The following ABCC6 variants were observed in gnomAD, a reference collection of about 807,000 sequenced individuals.
ABCC6 encodes ATP-binding cassette sub-family C member 6.
ABCC6 carries 126 observed loss-of-function variants against 169.5 expected under a neutral mutation model. That is an observed-to-expected ratio of 0.74 (90% CI 0.64 to 0.86). The LOEUF is 0.86. ABCC6 is among the 40% of genes least tolerant of loss of function. The probability of loss-of-function intolerance (pLI) is 0.00; values close to 1 mark genes in which losing one functional copy is unlikely to be tolerated. For synonymous variants in ABCC6, 752 were observed against 814.7 expected (o/e 0.92, Z 1.31); for missense variants, 1,733 against 1,927.2 (o/e 0.90, Z 1.89).
At chr16:16,153,557 A>G (rs761570530) in intron 29 of ABCC6, among the ~76,000 whole-genome samples, 4 of 152,034 alleles carry the variant, frequency 2.6e-5, no homozygotes, top group Admixed American at 6.6e-5. Context: ...TTAGGGTTTC[A>G]TGGGTACAGA....
chr16:16,169,848 CT>C lies in ABCC6; in HGVS notation c.2792del (p.Lys931ArgfsTer38). On this transcript the variant is annotated frameshift_variant, in exon 22 of 31. Coordinates refer to ENST00000205557, the MANE Select transcript of ABCC6 (RefSeq NM_001171.6). LOFTEE classifies it high-confidence loss of function. The part of the protein sequence containing the change: ...GKDSIQYGRV[K>X]ATVHLAYLRA... ...GCAGGTAGGCCAGGTGCACTGTGGCCTTCACCTGTAGCACACATGAGGGAGA... is the reference window on the plus strand; with the variant it reads ...GCAGGTAGGCCAGGTGCACTGTGGCCTCACCTGTAGCACACATGAGGGAGA... The C allele has an allele frequency of 6.4e-7, 1 of 1,553,052 alleles. No homozygotes were observed.
chr16:16,182,199 C>T (rs1481048434), intron 17 of ABCC6, among the ~76,000 whole-genome samples: 2 of 152,210 alleles, frequency 1.3e-5, no homozygotes, highest in Non-Finnish European at 2.9e-5. Flanking sequence ...CCACAACTCC[C>T]TGCCTCTCTC....
intron 20 of ABCC6, among the ~76,000 whole-genome samples, chr16:16,174,706 G>A (rs1249240379): frequency 4.2e-5 from 6 of 142,890 alleles, no homozygotes; most frequent in South Asian, 5.0e-4. Flanking sequence ...GCAGTGAGCC[G>A]AGATTGTGCC....
At chr16:16,203,284 C>T in intron 8 of ABCC6, 126 bp downstream of exon 8, 7 of 1,511,288 alleles carry the variant, frequency 4.6e-6, no homozygotes, top group Non-Finnish European at 6.3e-6. Flanking sequence ...TCCTTCTCAC[C>T]CACCATCCAG....
rs1352055601 is a variant in ABCC6 at position 16,169,664 on chromosome 16, G to A, written c.2977C>T (p.Leu993Phe). 1.1e-5 allele frequency: 17 copies of A among 1,610,960 alleles called. No homozygotes were observed. Among genetic ancestry groups the A allele is most frequent in the East Asian group, 6.7e-5 (3 of 44,866 alleles). ...GGCGTACCTTGGAGACAGCCGAGGA[G>A]CCCGAAGATCCCGCCACGCAGGGCT... ...QAALRGGIFG[L>F]LGCLQAIGLF... Residue 993 changes from leucine to phenylalanine, a missense_variant, in exon 22 of 31, where the codon CTC becomes TTC. Physicochemically the swap from Leu to Phe is conservative, Grantham distance 22 (BLOSUM62 0). Around this residue, in one of 5 missense-constraint regions of ABCC6, gnomAD observed 1,601 missense variants for 1,635.5 expected, o/e 0.98. Coordinates refer to ENST00000205557, the MANE Select transcript of ABCC6 (RefSeq NM_001171.6).
chr16:16,185,482 G>A (rs1440323228), intron 14 of ABCC6, among the ~76,000 whole-genome samples: 3 of 152,106 alleles, frequency 2.0e-5, no homozygotes, highest in African/African-American at 7.2e-5. Context: ...AGAGTGAAGG[G>A]GGTGTTATTA....
chr16:16,208,947 A>C lies in ABCC6; in HGVS notation c.663-88T>G. The C allele has an allele frequency of 2.5e-6, 4 of 1,610,118 alleles. No homozygotes were observed. The South Asian group carries it at 4.4e-5, about 18-fold the overall frequency. On this transcript the variant is annotated intron_variant, in intron 6 of 30. Coordinates refer to ENST00000205557, the MANE Select transcript of ABCC6 (RefSeq NM_001171.6). ...GGCGAGTAGCTGTGTGACCCTGGGT[A>C]AGTCACTTTACCTCTCTGTACCTCT...
At chr16:16,182,781 A>G (rs2047519121) in intron 16 of ABCC6, 23 bp downstream of exon 16, 5 of 1,613,796 alleles carry the variant, frequency 3.1e-6, no homozygotes, top group Non-Finnish European at 4.2e-6. Flanking sequence ...ACATCCTAGC[A>G]GACAGGCTGG....
At chr16:16,203,681 G>C in intron 7 of ABCC6, 68 bp from the exon 8 acceptor site, 1 of 1,572,380 alleles carries the variant, frequency 6.4e-7, no homozygotes, top group Non-Finnish European at 8.7e-7. Flanking sequence ...GCAGGGCCAG[G>C]CATTAAAGGG....
At chr16:16,194,384 G>A (rs1388167500) in intron 10 of ABCC6, among the ~76,000 whole-genome samples, 1 of 152,244 alleles carries the variant, frequency 6.6e-6, no homozygotes, top group Non-Finnish European at 1.5e-5. Context: ...GACATACACT[G>A]AGAAATTCTT....
chr16:16,154,501 A>C, intron 29 of ABCC6, 127 bp downstream of exon 29: 2 of 1,202,862 alleles, frequency 1.7e-6, no homozygotes, highest in Non-Finnish European at 1.2e-6. Flanking sequence ...GATAAGAGAC[A>C]TGTGGTTATT....
At chr16:16,177,401 C>A (rs751339808) in intron 19 of ABCC6, 51 bp downstream of exon 19, 12 of 1,610,586 alleles carry the variant, frequency 7.5e-6, no homozygotes, top group African/African-American at 1.3e-5. Flanking sequence ...GCCTTTTCCC[C>A]CAAGGGTGGC....
intron 24 of ABCC6, among the ~76,000 whole-genome samples, chr16:16,162,790 A>T (rs142775511): frequency 1.6e-4 from 24 of 152,000 alleles, no homozygotes; most frequent in Non-Finnish European, 8.8e-5. Flanking sequence ...TTCTTCCTGT[A>T]CCCCCCGCCC....
intron 17 of ABCC6, among the ~76,000 whole-genome samples, chr16:16,179,322 C>T (rs1177092263): frequency 6.6e-6 from 1 of 152,194 alleles, no homozygotes; most frequent in Admixed American, 6.5e-5. Context: ...CCAGTGGCAG[C>T]TTTTCAGTCC....
rs1358667370 is a variant in ABCC6, at chr16:16,201,851, A to T, written c.1176+150T>A. Reference sequence around the variant, plus strand: ...TCAAAAAAATAAATACATATAATACAGAGAAATAACTAAGGAAGTGAGAAT... The same window carrying T: ...TCAAAAAAATAAATACATATAATACTGAGAAATAACTAAGGAAGTGAGAAT... On this transcript the variant is annotated intron_variant, in intron 9 of 30. Transcript: ENST00000205557. 9 of 963,900 alleles carry T rather than the reference A, an allele frequency of 9.3e-6. No individual in the cohort carries two copies. In the East Asian group the frequency reaches 1.6e-4, roughly 17 times the overall value. The allele number at this position is 963,900 out of a possible 1,614,324, so 59.7% of individuals were successfully genotyped here. A position where few individuals can be genotyped will look rare whatever the true frequency, so the allele number is the denominator to read the frequency against.
intron 8 of ABCC6, among the ~76,000 whole-genome samples, 153 bp from the exon 9 acceptor site, chr16:16,202,331 G>A (rs1229808836): frequency 6.6e-6 from 1 of 151,584 alleles, no homozygotes; most frequent in Non-Finnish European, 1.5e-5. Flanking sequence ...TGCAATAATG[G>A]TCTCCGTTAT....
In ABCC6 at chr16:16,203,042, G is replaced by A. The variant is rs1453286543; in HGVS notation, c.998+368C>T. 2.6e-5 allele frequency among the ~76,000 whole-genome samples: 4 copies of A among 152,304 alleles called. No homozygotes were observed. In the East Asian group the frequency reaches 7.7e-4, roughly 29 times the overall value. ...CCATCCCAGTCTCAGATACACAACT[G>A]CAGGCACATGAGAAAACCCAGCCAA... On this transcript the variant is annotated intron_variant, in intron 8 of 30. Coordinates refer to ENST00000205557, the MANE Select transcript of ABCC6 (RefSeq NM_001171.6).
In ABCC6 at chr16:16,166,049, C is replaced by G. The variant is rs976141094; in HGVS notation, c.2996-116G>C. 5.2e-5 allele frequency: 54 copies of G among 1,037,294 alleles called. 2 individuals are homozygous for G. The Middle Eastern group carries it at 1.5e-3, about 29-fold the overall frequency. The allele number at this position is 1,037,294 out of a possible 1,614,324, so 64.3% of individuals were successfully genotyped here. ...GGTGGACATCTTATGGCTTGGCCACCCTGATTATTATATTTTTTTGAGACA... is the reference window on the plus strand; with the variant it reads ...GGTGGACATCTTATGGCTTGGCCACGCTGATTATTATATTTTTTTGAGACA... On this transcript the variant is annotated intron_variant, in intron 22 of 30. Transcript: ENST00000205557.
At chr16:16,170,984 C>T (rs1438528224) in intron 21 of ABCC6, among the ~76,000 whole-genome samples, 1 of 147,292 alleles carries the variant, frequency 6.8e-6, no homozygotes, top group Non-Finnish European at 1.5e-5. Flanking sequence ...TTCCAAGCTT[C>T]TTATCTCGCC....
Sources: gnomAD v4.1 joint callset for allele counts (sites outside exome capture counted in the v4.1 genomes callset) on GRCh38, gnomAD v4.1.1 for gene constraint, gnomAD v4.1.1 regional missense constraint, MANE v1.5 for transcripts, NCBI Gene and HGNC (gene_info 2026-07-23, HGNC 2026-07-21) for gene names.